Variants in GPC6 observed in about 807,000 individuals in gnomAD.
GPC6 encodes the protein glypican 6.
A neutral mutation model predicts 55.2 loss-of-function variants in GPC6; 14 were observed. The ratio of observed to expected loss-of-function variants is 0.25; its 90% CI spans 0.17 to 0.40. The LOEUF (loss-of-function observed/expected upper bound fraction) is 0.40. GPC6 is among the 10% of genes least tolerant of loss of function. The pLI is 1.00. For synonymous variants in GPC6, 278 were observed against 259.6 expected (o/e 1.07, Z -0.68); for missense variants, 641 against 708.5 (o/e 0.90, Z 1.08).
intron 4 of GPC6, among the ~76,000 whole-genome samples, chr13:94,147,978 G>A (rs1220320737): frequency 6.6e-6 from 1 of 152,148 alleles, no homozygotes; most frequent in Non-Finnish European, 1.5e-5. Context: ...ATTCTGCTGA[G>A]GTAGAGTATT....
intron 4 of GPC6, among the ~76,000 whole-genome samples, chr13:94,082,453 C>T (rs1440456946): frequency 6.6e-6 from 1 of 152,160 alleles, no homozygotes; most frequent in Non-Finnish European, 1.5e-5. Flanking sequence ...TCCTCGCTAT[C>T]CCTTGTGAGT....
intron 2 of GPC6, among the ~76,000 whole-genome samples, chr13:93,720,001 A>T (rs1370257884): frequency 6.6e-6 from 1 of 151,654 alleles, no homozygotes; most frequent in African/African-American, 2.4e-5. Flanking sequence ...TTTATTGAGA[A>T]TTTTCGTATT....
At chr13:94,372,505 C>G (rs1394251535) in intron 6 of GPC6, among the ~76,000 whole-genome samples, 2 of 151,978 alleles carry the variant, frequency 1.3e-5, no homozygotes, top group South Asian at 2.1e-4. Context: ...ACTTTTCCGA[C>G]GGGCTTAAAA....
chr13:93,655,244 T>G (rs771952692), intron 2 of GPC6, among the ~76,000 whole-genome samples: 4 of 152,118 alleles, frequency 2.6e-5, no homozygotes, highest in Admixed American at 6.5e-5. Flanking sequence ...CCCAGATATA[T>G]GAACACAAAT....
chr13:94,046,208 T>G (rs1883727388), intron 4 of GPC6, among the ~76,000 whole-genome samples: 1 of 152,066 alleles, frequency 6.6e-6, no homozygotes, highest in South Asian at 2.1e-4. Context: ...GTTCTTGATT[T>G]TTTTAGAATT....
intron 7 of GPC6, among the ~76,000 whole-genome samples, chr13:94,383,652 G>T (rs1880275746): frequency 1.3e-5 from 2 of 152,242 alleles, no homozygotes; most frequent in Admixed American, 6.5e-5. Flanking sequence ...AGCAGGAGGT[G>T]CAAGGGAGGT....
chr13:93,596,615 ATATAT>A (rs1566441986), intron 2 of GPC6, among the ~76,000 whole-genome samples: 8 of 135,216 alleles, frequency 5.9e-5, no homozygotes, highest in African/African-American at 2.4e-4. Context: ...AAATAAATAT[ATATAT>A]ATATATATAT....
intron 2 of GPC6, among the ~76,000 whole-genome samples, chr13:93,795,606 CTTA>C (rs1886171598): frequency 6.6e-6 from 1 of 152,080 alleles, no homozygotes; most frequent in Admixed American, 6.5e-5. Flanking sequence ...ATATTGGTGC[CTTA>C]TTATGAATGT....
At chr13:93,265,618 T>C (rs1281919118) in intron 1 of GPC6, among the ~76,000 whole-genome samples, 3 of 152,044 alleles carry the variant, frequency 2.0e-5, no homozygotes, top group Non-Finnish European at 1.5e-5. Context: ...CCTGAAAAAA[T>C]CTGAAATTTG....
intron 3 of GPC6, among the ~76,000 whole-genome samples, chr13:93,964,895 A>G (rs1019099917): frequency 6.6e-6 from 1 of 152,186 alleles, no homozygotes; most frequent in Admixed American, 6.5e-5. Context: ...GGAATAAAAA[A>G]TGTTGTAGCA....
At chr13:94,066,222 G>A (rs956520094) in intron 4 of GPC6, among the ~76,000 whole-genome samples, 1 of 152,008 alleles carries the variant, frequency 6.6e-6, no homozygotes, top group Non-Finnish European at 1.5e-5. Flanking sequence ...TTGTAATTAT[G>A]TTTTTTAAAA....
intron 4 of GPC6, among the ~76,000 whole-genome samples, chr13:94,243,374 G>A (rs1327446420): frequency 6.6e-6 from 1 of 152,000 alleles, no homozygotes; most frequent in African/African-American, 2.4e-5. Flanking sequence ...TTTGTGTACT[G>A]TAACACTTCA....
intron 1 of GPC6, among the ~76,000 whole-genome samples, chr13:93,315,561 A>G (rs1318728102): frequency 2.6e-5 from 4 of 152,000 alleles, no homozygotes; most frequent in African/African-American, 9.7e-5. Flanking sequence ...TGACTTTACA[A>G]GTAAATCATT....
At chr13:93,839,207 C>T (rs1887859870) in intron 3 of GPC6, among the ~76,000 whole-genome samples, 1 of 152,086 alleles carries the variant, frequency 6.6e-6, no homozygotes, top group Non-Finnish European at 1.5e-5. Flanking sequence ...GGGAAGTTAA[C>T]TTATCTTCCC....
intron 2 of GPC6, among the ~76,000 whole-genome samples, chr13:93,651,915 C>T (rs562087545): frequency 6.6e-6 from 1 of 152,280 alleles, no homozygotes; most frequent in South Asian, 2.1e-4. Context: ...GCCTGTACAT[C>T]GGTATCCATT....
chr13:93,894,780 T>C (rs1225517245), intron 3 of GPC6, among the ~76,000 whole-genome samples: 5 of 152,088 alleles, frequency 3.3e-5, no homozygotes, highest in African/African-American at 9.7e-5. Context: ...CCAATTTATA[T>C]TAATGCAATA....
At chr13:94,025,829 C>T (rs1191622022) in intron 3 of GPC6, among the ~76,000 whole-genome samples, 1 of 152,094 alleles carries the variant, frequency 6.6e-6, no homozygotes, top group East Asian at 1.9e-4. Flanking sequence ...GTATTTTACT[C>T]ACTGACTTTC....
chr13:93,313,826 C>T (rs1879155946), intron 1 of GPC6, among the ~76,000 whole-genome samples: 2 of 152,112 alleles, frequency 1.3e-5, no homozygotes, highest in South Asian at 4.1e-4. Flanking sequence ...ACCATTGTGC[C>T]TGGCCTAAAA....
chr13:93,563,579 A>T (rs1456748515), intron 2 of GPC6, among the ~76,000 whole-genome samples: 1 of 152,126 alleles, frequency 6.6e-6, no homozygotes, highest in Admixed American at 6.6e-5. Context: ...ACATATATGA[A>T]GATGAGATCT....
Sources: gnomAD v4.1 joint callset for allele counts (sites outside exome capture counted in the v4.1 genomes callset) on GRCh38, gnomAD v4.1.1 for gene constraint, MANE v1.5 for transcripts, NCBI Gene and HGNC (gene_info 2026-07-23, HGNC 2026-07-21) for gene names.